NCOA2: variants seen among roughly 807,000 people sequenced by gnomAD.
The protein encoded by NCOA2 is class E basic helix-loop-helix protein 75.
A neutral mutation model predicts 145.1 loss-of-function variants in NCOA2; 21 were observed. That is an observed-to-expected ratio of 0.14 (90% CI 0.10 to 0.21). The LOEUF (loss-of-function observed/expected upper bound fraction) is 0.21. NCOA2 is among the 10% of genes least tolerant of loss of function. NCOA2 has a pLI of 1.00. For synonymous variants in NCOA2, 619 were observed against 637.5 expected, an observed-to-expected ratio of 0.97 and a Z score of 0.44; for missense variants, 1,472 against 1,837.6, an observed-to-expected ratio of 0.80 and a Z score of 3.64.
At chr8:70,211,526 A>G (rs1463268732) in intron 4 of NCOA2, among the ~76,000 whole-genome samples, 1 of 152,160 alleles carries the variant, frequency 6.6e-6, no homozygotes, top group Non-Finnish European at 1.5e-5. Flanking sequence ...CTGAACATCT[A>G]CTATGACAGG....
chr8:70,445,193 G>C, the NCOA2 span, among the ~76,000 whole-genome samples: 12 of 152,214 alleles, frequency 7.9e-5, no homozygotes, highest in Admixed American at 6.5e-4. Flanking sequence ...ATCATGCAAG[G>C]GGGGAAAAAA....
intron 1 of NCOA2, among the ~76,000 whole-genome samples, chr8:70,369,176 CAGTTCATTTT>C (rs1810993725): frequency 6.6e-6 from 1 of 152,180 alleles, no homozygotes; most frequent in Admixed American, 6.5e-5. Context: ...ACTTGAAACT[CAGTTCATTTT>C]ACACACTGAC....
At chr8:70,288,712 A>G (rs1280539779) in intron 2 of NCOA2, among the ~76,000 whole-genome samples, 2 of 152,238 alleles carry the variant, frequency 1.3e-5, no homozygotes, top group East Asian at 1.9e-4. Context: ...CATTTAAAAG[A>G]TAACAGCAAT....
At chr8:70,303,311 G>C (rs1340726110) in intron 1 of NCOA2, among the ~76,000 whole-genome samples, 2 of 152,092 alleles carry the variant, frequency 1.3e-5, no homozygotes, top group Non-Finnish European at 2.9e-5. Context: ...AATTGACCAA[G>C]GAAAATGAGA....
chr8:70,275,013 A>G (rs185691060), intron 2 of NCOA2, among the ~76,000 whole-genome samples: 173 of 152,294 alleles, frequency 1.1e-3, no homozygotes, highest in African/African-American at 4.0e-3. Flanking sequence ...ACTACAATTA[A>G]ATATATTAAA....
At chr8:70,172,375 TA>T (rs1814354521) in intron 5 of NCOA2, among the ~76,000 whole-genome samples, 1 of 152,234 alleles carries the variant, frequency 6.6e-6, no homozygotes, top group African/African-American at 2.4e-5. Context: ...CTTATGTTAT[TA>T]AACAGGCTCC....
intron 4 of NCOA2, among the ~76,000 whole-genome samples, chr8:70,185,362 C>T (rs989437412): frequency 1.3e-5 from 2 of 152,180 alleles, no homozygotes; most frequent in African/African-American, 4.8e-5. Context: ...GAGCCTAAAA[C>T]ATTATGCTAA....
intron 4 of NCOA2, among the ~76,000 whole-genome samples, chr8:70,206,853 C>T (rs1026377558): frequency 1.3e-5 from 2 of 152,196 alleles, no homozygotes; most frequent in African/African-American, 2.4e-5. Context: ...CGCCCAGCCC[C>T]GACTTTTTTA....
chr8:70,293,664 A>C (rs1826876372), intron 2 of NCOA2, among the ~76,000 whole-genome samples: 1 of 152,222 alleles, frequency 6.6e-6, no homozygotes. Flanking sequence ...ATCCACAGTG[A>C]GTTCAACTTT....
At chr8:70,390,788 A>AATAC (rs60348006) in intron 1 of NCOA2, among the ~76,000 whole-genome samples, 99 of 152,066 alleles carry the variant, frequency 6.5e-4, no homozygotes, top group Middle Eastern at 3.4e-3. Flanking sequence ...ATAATAAATA[A>AATAC]ATACATACAT....
At chr8:70,173,719 C>CTTTTTTTTTTTTT (rs1814504453) in intron 5 of NCOA2, among the ~76,000 whole-genome samples, 1 of 152,184 alleles carries the variant, frequency 6.6e-6, no homozygotes, top group African/African-American at 2.4e-5. Context: ...TTTGTCATTT[C>CTTTTTTTTTTTTT]TAAATACAAA....
the NCOA2 span, among the ~76,000 whole-genome samples, chr8:70,441,212 G>A: frequency 6.7e-6 from 1 of 148,236 alleles, no homozygotes; most frequent in African/African-American, 2.5e-5. Flanking sequence ...GTCACATGTG[G>A]GAGAAAAGGA....
chr8:70,306,792 T>C (rs759733115), intron 1 of NCOA2, among the ~76,000 whole-genome samples: 4 of 152,152 alleles, frequency 2.6e-5, no homozygotes, highest in Admixed American at 6.5e-5. Context: ...GGCTGGAGGA[T>C]TGCTTGAGCC....
At chr8:70,386,466 T>C (rs544677968) in intron 1 of NCOA2, among the ~76,000 whole-genome samples, 17 of 152,138 alleles carry the variant, frequency 1.1e-4, no homozygotes, top group Non-Finnish European at 2.5e-4. Context: ...CATTATTACT[T>C]ATAAGTGGCT....
Position 70,216,616 on chromosome 8 carries a change from C to G in NCOA2, c.86+44G>C, listed in dbSNP as rs376543122. 10 of 1,476,926 alleles carry G rather than the reference C, an allele frequency of 6.8e-6. No homozygotes were observed. In the African/African-American group the frequency reaches 1.4e-4, roughly 21 times the overall value. 91.5% of individuals were successfully genotyped at this position (1,476,926 alleles called of 1,614,324 possible). On this transcript the variant is annotated intron_variant, in intron 3 of 22. Transcript: ENST00000452400. ...AAATAACAAAGAAGCACTCATGTGG[C>G]TTTAACAGACAATACTGATTCCTTT...
chr8:70,213,673 AC>A (rs1819286889), intron 4 of NCOA2, among the ~76,000 whole-genome samples: 1 of 152,214 alleles, frequency 6.6e-6, no homozygotes, highest in East Asian at 1.9e-4. Context: ...AAGTTCCATC[AC>A]CCTGACTCAC....
At chr8:70,295,052 G>A (rs991886642) in intron 2 of NCOA2, among the ~76,000 whole-genome samples, 2 of 152,018 alleles carry the variant, frequency 1.3e-5, no homozygotes, top group African/African-American at 4.8e-5. Context: ...GCAAATGTCT[G>A]AAAAAGGTAA....
intron 1 of NCOA2, among the ~76,000 whole-genome samples, chr8:70,371,964 C>T (rs1310887343): frequency 6.6e-6 from 1 of 151,806 alleles, no homozygotes; most frequent in Non-Finnish European, 1.5e-5. Context: ...AACAAATATT[C>T]ACAAATCTAC....
chr8:70,154,956 T>A (rs1240368922), intron 11 of NCOA2, among the ~76,000 whole-genome samples: 2 of 152,208 alleles, frequency 1.3e-5, no homozygotes, highest in African/African-American at 2.4e-5. Flanking sequence ...AAAAAGTATG[T>A]GAGGTAATGT....
Sources: allele counts gnomAD v4.1 joint callset (sites outside exome capture counted in the v4.1 genomes callset), GRCh38; gene constraint gnomAD v4.1.1; transcripts MANE v1.5; gene names NCBI Gene and HGNC (gene_info 2026-07-23, HGNC 2026-07-21).